Variants in PLA2G4F observed in about 807,000 individuals in gnomAD.
The protein encoded by PLA2G4F is cytosolic phospholipase A2 zeta.
Under a neutral mutation model 103.1 loss-of-function variants are expected in PLA2G4F, and 105 were observed. The ratio of observed to expected loss-of-function variants is 1.02; its 90% confidence interval spans 0.87 to 1.20. PLA2G4F has a LOEUF of 1.20. PLA2G4F is among the 50% of genes most tolerant of loss of function. The pLI is 0.00. For missense variants in PLA2G4F, 1,155 were observed against 1,075.9 expected (o/e 1.07, Z -1.03); for synonymous variants, 468 against 441.1 (o/e 1.06, Z -0.76).
Position 42,147,642 on chromosome 15 carries a change from C to A in PLA2G4F, c.1180G>T (p.Val394Phe). 6.2e-7 allele frequency: 1 copy of A among 1,614,124 alleles called. No homozygotes were observed. Among genetic ancestry groups the A allele is most frequent in the Non-Finnish European group, 8.5e-7 (1 of 1,180,000 alleles). Reference sequence around the variant, plus strand: ...CTCACTTACCAGGTAGACCCAGAGACCCCACTCAGGTAGGTCACAGTGTCT... The same window carrying A: ...CTCACTTACCAGGTAGACCCAGAGAACCCACTCAGGTAGGTCACAGTGTCT... ...LLDTVTYLSG[V>F]SGSTWCISTL... The change falls in exon 12 of 20, where the codon GTC becomes TTC. Residue 394 changes from valine to phenylalanine, a missense_variant. Transcript: ENST00000397272.
rs553041845 is a variant in PLA2G4F at position 42,154,830 on chromosome 15, G to A, written c.185-372C>T. 4.6e-5 allele frequency among the ~76,000 whole-genome samples: 7 copies of A among 152,196 alleles called. No individual in the cohort carries two copies. In the South Asian group the frequency reaches 1.2e-3, roughly 27 times the overall value. The stretch of plus-strand genomic sequence containing the variant: ...ACAGCGGGCCTCACACTGTCACCCA[G>A]GGCGGCACTCCCAGGCACAGGGAGG... On this transcript the variant is annotated intron_variant, in intron 2 of 19. Coordinates refer to ENST00000397272, the MANE Select transcript of PLA2G4F (RefSeq NM_213600.4).
At chr15:42,153,273 AG>A in intron 6 of PLA2G4F, 26 bp downstream of exon 6, 2 of 1,612,098 alleles carry the variant, frequency 1.2e-6, no homozygotes, top group Non-Finnish European at 1.7e-6. Context: ...AGCCCAGAAC[AG>A]CGCCAAGCTT....
intron 14 of PLA2G4F, 82 bp from the exon 15 acceptor site, chr15:42,145,985 A>G (rs924984793): frequency 2.5e-6 from 4 of 1,594,650 alleles, no homozygotes; most frequent in Non-Finnish European, 3.4e-6. Flanking sequence ...AGCCTTGACA[A>G]TGACAGGAAG....
In PLA2G4F at chr15:42,139,511, T is replaced by G. The variant is rs1356576687; in HGVS notation, c.*2473A>C. The stretch of plus-strand genomic sequence containing the variant: ...CCCTGCTCCTGTGTTTCTACCCAGC[T>G]TCAAGGGAAACCATGCTTGCTCTTC... On this transcript the variant is annotated 3_prime_UTR_variant, in exon 20 of 20. Coordinates refer to ENST00000397272, the MANE Select transcript of PLA2G4F (RefSeq NM_213600.4). The G allele has an allele frequency of 6.6e-6, 1 of 152,136 alleles. No individual in the cohort carries two copies. The highest frequency in any genetic ancestry group is 1.5e-5 in the Non-Finnish European group (1 of 68,058). The allele number at this position is 152,136 out of a possible 1,614,324, so 9.4% of individuals were successfully genotyped here. A position where few individuals can be genotyped will look rare whatever the true frequency, so the allele number is the denominator to read the frequency against.
At chr15:42,144,334 A>G (rs2048857527) in intron 17 of PLA2G4F, 116 bp downstream of exon 17, 2 of 1,453,674 alleles carry the variant, frequency 1.4e-6, no homozygotes, top group African/African-American at 1.4e-5. Flanking sequence ...GCATCAGCCC[A>G]TAGGCAGCAG....
At chr15:42,149,894 G>C (rs762567365) in intron 10 of PLA2G4F, 46 bp from the exon 11 acceptor site, 1 of 1,598,442 alleles carries the variant, frequency 6.3e-7, no homozygotes, top group Admixed American at 1.7e-5. Context: ...CTGGGTGACT[G>C]TCCAGTGGAG....
At position 42,141,088 on chromosome 15, in the gene PLA2G4F, C is replaced by A; in HGVS notation, c.*896G>T. 1 of 385,130 alleles carries A rather than the reference C, an allele frequency of 2.6e-6. No homozygotes were observed. The highest frequency in any genetic ancestry group is 5.3e-6 in the Non-Finnish European group (1 of 188,720). The allele number at this position is 385,130 out of a possible 1,614,324, so 23.9% of individuals were successfully genotyped here. On this transcript the variant is annotated 3_prime_UTR_variant, in exon 20 of 20. Coordinates refer to ENST00000397272, the MANE Select transcript of PLA2G4F (RefSeq NM_213600.4). ...GAGCCCAGGCGAGGCTCCCTCTGCA[C>A]TGCCCATGCCTTGGAGTAACCCACC...
At chr15:42,149,016 A>G in intron 11 of PLA2G4F, 1 of 985,356 alleles carries the variant, frequency 1.0e-6, no homozygotes, top group Non-Finnish European at 1.2e-6. Flanking sequence ...GGAAGCCGGC[A>G]GCCTATTCCT....
rs1371581149 is a variant in PLA2G4F, at chr15:42,139,737, CCTGGCTGAGATCCTCCCTGTACTT to C, written c.*2223_*2246del. 6.6e-6 allele frequency: 1 copy of C among 152,374 alleles called. No individual in the cohort carries two copies. The highest frequency in any genetic ancestry group is 1.5e-5 in the Non-Finnish European group (1 of 68,146). 9.4% of individuals were successfully genotyped at this position (152,374 alleles called of 1,614,324 possible). The stretch of plus-strand genomic sequence containing the variant: ...TCAGTCTTGTTGGAGCCTCCCCATC[CCTGGCTGAGATCCTCCCTGTACTT>C]CTGGCCAATATCTGGGCCACAGCAC... On this transcript the variant is annotated 3_prime_UTR_variant, in exon 20 of 20. Transcript: ENST00000397272.
intron 4 of PLA2G4F, 63 bp downstream of exon 4, chr15:42,154,029 G>T (rs991393500): frequency 6.2e-6 from 10 of 1,606,210 alleles, no homozygotes; most frequent in Non-Finnish European, 8.5e-6. Flanking sequence ...CCCCCTCTTT[G>T]GTGGCCCTGT....
At chr15:42,149,263 G>T in intron 11 of PLA2G4F, 1 of 758,304 alleles carries the variant, frequency 1.3e-6, no homozygotes, top group Non-Finnish European at 1.6e-6. Context: ...TAAGGGTAGG[G>T]CCTTCAACTG....
At chr15:42,148,032 A>C (rs2140807348) in intron 11 of PLA2G4F, among the ~76,000 whole-genome samples, 2 of 152,226 alleles carry the variant, frequency 1.3e-5, no homozygotes, top group East Asian at 3.9e-4. Flanking sequence ...CAAAAAAATT[A>C]GCCGGGCATG....
chr15:42,150,512 G>A (rs762201967), intron 8 of PLA2G4F, 26 bp from the exon 9 acceptor site: 1 of 1,606,958 alleles, frequency 6.2e-7, no homozygotes, highest in Admixed American at 1.7e-5. Flanking sequence ...CACCCAAGAA[G>A]CTCTCCAGCA....
rs1013172369 is a variant in PLA2G4F, at chr15:42,149,574, A to C, written c.1059+139T>G. 25 of 1,449,426 alleles carry C rather than the reference A, an allele frequency of 1.7e-5. No homozygotes were observed. In the African/African-American group the frequency reaches 3.4e-4, roughly 20 times the overall value. The allele number at this position is 1,449,426 out of a possible 1,614,324, so 89.8% of individuals were successfully genotyped here. ...TGGCCCTGGTCCCATATGGGGTCCT[A>C]GCTCTGCCGATGGTGCCCACAGCTC... On this transcript the variant is annotated intron_variant, in intron 11 of 19. Coordinates refer to ENST00000397272, the MANE Select transcript of PLA2G4F (RefSeq NM_213600.4).
chr15:42,150,010 T>C, intron 10 of PLA2G4F, 94 bp downstream of exon 10: 1 of 1,577,884 alleles, frequency 6.3e-7, no homozygotes, highest in South Asian at 1.1e-5. Context: ...CCCCACGGCC[T>C]GAGCTTCTTG....
intron 11 of PLA2G4F, chr15:42,148,564 C>T: frequency 1.3e-5 from 12 of 944,442 alleles, no homozygotes; most frequent in Non-Finnish European, 1.5e-5. Context: ...TCGATCTCTA[C>T]ACATGGATGA....
chr15:42,152,283 G>C (rs2140813822), intron 7 of PLA2G4F, among the ~76,000 whole-genome samples: 1 of 152,314 alleles, frequency 6.6e-6, no homozygotes, highest in East Asian at 1.9e-4. Context: ...TTACTCAGTT[G>C]GGCTTGCTCT....
At chr15:42,153,426 G>A in intron 5 of PLA2G4F, 84 bp from the exon 6 acceptor site, 1 of 1,545,346 alleles carries the variant, frequency 6.5e-7, no homozygotes, top group Non-Finnish European at 8.9e-7. Flanking sequence ...GAAGCAGCGG[G>A]CAGAGCATGA....
chr15:42,154,036 C>T (rs1321354929), intron 4 of PLA2G4F, 56 bp downstream of exon 4: 1 of 1,609,716 alleles, frequency 6.2e-7, no homozygotes, highest in Non-Finnish European at 8.5e-7. Flanking sequence ...TTTGGTGGCC[C>T]TGTGCTGGGC....
Sources: gnomAD v4.1 joint callset for allele counts (sites outside exome capture counted in the v4.1 genomes callset) on GRCh38, gnomAD v4.1.1 for gene constraint, MANE v1.5 for transcripts, NCBI Gene and HGNC (gene_info 2026-07-23, HGNC 2026-07-21) for gene names.